Variants in NDUFA11 observed in about 807,000 individuals in gnomAD.
The protein encoded by NDUFA11 is NADH:ubiquinone oxidoreductase subunit A11, also known as NADH dehydrogenase [ubiquinone] 1 alpha subcomplex subunit 11.
Under a neutral mutation model 11.3 loss-of-function variants are expected in NDUFA11, and 14 were observed. The observed-to-expected ratio is 1.24, with a 90% CI of 0.82 to 1.94. The LOEUF (loss-of-function observed/expected upper bound fraction) is 1.94, where lower values mean the gene tolerates loss of function less well. NDUFA11 is among the 30% of genes most tolerant of loss of function. NDUFA11 has a pLI of 0.00. For missense variants in NDUFA11, 204 were observed against 200.3 expected (o/e 1.02, Z -0.11); for synonymous variants, 87 against 85.6 (o/e 1.02, Z -0.09).
At chr19:5,893,074 C>T (rs1346279951), downstream of NDUFA11, 1 of 1,535,996 alleles carries the variant, frequency 6.5e-7, no homozygotes, top group African/African-American at 1.4e-5. This position sits in a 1 kb window ranked among gnomAD's most constrained non-coding sequence, Gnocchi z 4.1. Flanking sequence ...TGGACGTGAC[C>T]CTGAGCTGTT....
chr19:5,902,156 T>C (rs1303488767), intron 1 of NDUFA11, among the ~76,000 whole-genome samples: 1 of 151,580 alleles, frequency 6.6e-6, no homozygotes, highest in Non-Finnish European at 1.5e-5. Context: ...TTTGTATTTT[T>C]AGTAGAGACG....
At chr19:5,899,141 G>A (rs1320514977) in intron 1 of NDUFA11, among the ~76,000 whole-genome samples, 1 of 150,358 alleles carries the variant, frequency 6.7e-6, no homozygotes, top group African/African-American at 2.4e-5. Context: ...TGGAGTCTAT[G>A]AAGATTCTTT....
At chr19:5,893,060 G>C, downstream of NDUFA11, 4 of 1,536,044 alleles carry the variant, frequency 2.6e-6, no homozygotes, top group Non-Finnish European at 3.5e-6. The surrounding 1 kb of genome is among the most constrained non-coding windows in gnomAD (Gnocchi z 4.1). Context: ...CCCAGCTCCG[G>C]AAGTGGACGT....
At chr19:5,901,296 C>T (rs1163469593) in intron 1 of NDUFA11, 5 of 1,265,188 alleles carry the variant, frequency 4.0e-6, no homozygotes, top group Non-Finnish European at 5.1e-6. Context: ...CCTGGGTGGC[C>T]CCCTTCAGCC....
downstream of NDUFA11, chr19:5,891,575 C>T (rs116929938): frequency 5.6e-3 from 852 of 152,330 alleles, 7 homozygotes; most frequent in South Asian, 0.039. Context: ...TTCTTGGAGC[C>T]TTGTCTCTGC....
Position 5,896,896 on chromosome 19 carries a change from C to A in NDUFA11, c.190+9G>T, listed in dbSNP as rs771753574. ...GAGGGCCCAGCCATGCCCAGCCCAGCGTGCTCACCTGCAGTGAACGTGTAT... is the reference window on the plus strand; with the variant it reads ...GAGGGCCCAGCCATGCCCAGCCCAGAGTGCTCACCTGCAGTGAACGTGTAT... On this transcript the variant is annotated intron_variant, in intron 2 of 3. Coordinates refer to ENST00000308961, the MANE Select transcript of NDUFA11 (RefSeq NM_175614.5). This position sits in a 1 kb window ranked among gnomAD's most constrained non-coding sequence, Gnocchi z 5.8. 6.2e-7 allele frequency: 1 copy of A among 1,610,570 alleles called. No individual in the cohort carries two copies. The highest frequency in any genetic ancestry group is 8.5e-7 in the Non-Finnish European group (1 of 1,176,942).
chr19:5,897,254 C>T (rs1304749001), intron 1 of NDUFA11, among the ~76,000 whole-genome samples: 1 of 152,234 alleles, frequency 6.6e-6, no homozygotes, highest in African/African-American at 2.4e-5. Context: ...CCAGTACTGG[C>T]TCCTGCAGAG....
chr19:5,903,015 A>G (rs2057655629), intron 1 of NDUFA11, among the ~76,000 whole-genome samples: 1 of 150,052 alleles, frequency 6.7e-6, no homozygotes, highest in African/African-American at 2.4e-5. Flanking sequence ...TGTCTCAAAA[A>G]AAAAAAAAAA....
At chr19:5,901,479 C>T (rs2057645012) in intron 1 of NDUFA11, 2 of 1,283,452 alleles carry the variant, frequency 1.6e-6, no homozygotes, top group African/African-American at 1.5e-5. Flanking sequence ...GACACAATAA[C>T]GTCTGTCTTA....
Position 5,896,793 on chromosome 19 carries a change from C to G in NDUFA11, c.190+112G>C. ...CACCCCACTTTCTCCGGATGGCCAG[C>G]ACTGTGGACACGGGCTGGGGAGTCA... On this transcript the variant is annotated intron_variant, in intron 2 of 3. Coordinates refer to ENST00000308961, the MANE Select transcript of NDUFA11 (RefSeq NM_175614.5). This position sits in a 1 kb window ranked among gnomAD's most constrained non-coding sequence, Gnocchi z 5.8. 8.4e-7 allele frequency: 1 copy of G among 1,190,492 alleles called. No homozygotes were observed. The highest frequency in any genetic ancestry group is 1.3e-6 in the Non-Finnish European group (1 of 799,356). The allele number at this position is 1,190,492 out of a possible 1,614,324, so 73.7% of individuals were successfully genotyped here. A position where few individuals can be genotyped will look rare whatever the true frequency, so the allele number is the denominator to read the frequency against.
At chr19:5,895,026 C>A (rs985004129) in intron 3 of NDUFA11, 172 bp from the exon 4 acceptor site, 1 of 767,862 alleles carries the variant, frequency 1.3e-6, no homozygotes, top group African/African-American at 1.8e-5. Flanking sequence ...GATGTGGAAA[C>A]TGATGCACAG....
At chr19:5,894,954 C>G (rs577909240) in intron 3 of NDUFA11, 100 bp from the exon 4 acceptor site, 20 of 1,311,800 alleles carry the variant, frequency 1.5e-5, no homozygotes, top group Non-Finnish European at 2.0e-5. Flanking sequence ...CAGACTGAGA[C>G]CCCTGACAGG....
intron 1 of NDUFA11, among the ~76,000 whole-genome samples, chr19:5,899,655 C>T (rs537199178): frequency 2.6e-5 from 4 of 151,280 alleles, no homozygotes; most frequent in East Asian, 1.9e-4. Context: ...TTAGTAGAGA[C>T]GGGGTTTTAC....
chr19:5,898,121 C>T (rs1019640586), intron 1 of NDUFA11, among the ~76,000 whole-genome samples: 3 of 152,212 alleles, frequency 2.0e-5, no homozygotes, highest in Admixed American at 2.0e-4. Context: ...CCCTCCTTCA[C>T]GGGAGGTGAA....
At chr19:5,892,507 A>T (rs1205153758), downstream of NDUFA11, 1 of 162,150 alleles carries the variant, frequency 6.2e-6, no homozygotes, top group East Asian at 1.8e-4. Context: ...CCTTGGCTGG[A>T]GGTTTGGGGC....
In NDUFA11 at chr19:5,897,043, GC is replaced by G. The variant is rs770974043; in HGVS notation, c.98-47del. On this transcript the variant is annotated intron_variant, in intron 1 of 3. Coordinates refer to ENST00000308961, the MANE Select transcript of NDUFA11 (RefSeq NM_175614.5). ...GCTGTTCAGACCCCACTGCTGCTAA[GC>G]CCTTGCTTGGCCGGGCACCCCACTG... The G allele has an allele frequency of 2.7e-5, 41 of 1,525,144 alleles. No individual in the cohort carries two copies. In the South Asian group the frequency reaches 4.5e-4, roughly 17 times the overall value. The allele number at this position is 1,525,144 out of a possible 1,614,324, so 94.5% of individuals were successfully genotyped here. A position where few individuals can be genotyped will look rare whatever the true frequency, so the allele number is the denominator to read the frequency against.
chr19:5,896,390 C>T lies in NDUFA11; in HGVS notation c.313+63G>A, dbSNP rs1001637498. The T allele has an allele frequency of 3.2e-5, 46 of 1,436,290 alleles. No homozygotes were observed. In the African/African-American group the frequency reaches 7.4e-4, roughly 23 times the overall value. The allele number at this position is 1,436,290 out of a possible 1,614,324, so 89.0% of individuals were successfully genotyped here. Reference sequence around the variant, plus strand: ...TGGAACAGAGAGGGTGGAGGATGAGCAGAGGTCAGGGGTCATTCTGCCAGG... The same window carrying T: ...TGGAACAGAGAGGGTGGAGGATGAGTAGAGGTCAGGGGTCATTCTGCCAGG... On this transcript the variant is annotated intron_variant, in intron 3 of 3. Transcript: ENST00000308961. The surrounding 1 kb of genome is among the most constrained non-coding windows in gnomAD (Gnocchi z 5.8).
rs75039856 is a variant in NDUFA11 at position 5,897,791 on chromosome 19, C to A, written c.98-794G>T. ...GGACGGAGGTTTGATCCCAGCCCAC[C>A]GTCCCTGCTGGGTGCCTAGGGGCGT... On this transcript the variant is annotated intron_variant, in intron 1 of 3. Transcript: ENST00000308961. Among the ~76,000 whole-genome samples, 1,179 of 152,362 alleles carry A rather than the reference C, an allele frequency of 7.7e-3. 10 individuals are homozygous for A. The highest frequency in any genetic ancestry group is 0.04 in the South Asian group (195 of 4,830).
chr19:5,903,605 C>T lies in NDUFA11; in HGVS notation c.97+7G>A. 1 of 1,549,740 alleles carries T rather than the reference C, an allele frequency of 6.5e-7. No individual in the cohort carries two copies. Among genetic ancestry groups the T allele is most frequent in the Non-Finnish European group, 8.7e-7 (1 of 1,146,794 alleles). On this transcript the variant is annotated splice_region_variant and intron_variant, in intron 1 of 3. Transcript: ENST00000308961. The stretch of plus-strand genomic sequence containing the variant: ...CCCTCCACCCTCGGGGCCCGGCCGG[C>T]GCTCACCAGCGACGCTGGCAATACT...
Sources: gnomAD v4.1 joint callset for allele counts (sites outside exome capture counted in the v4.1 genomes callset) on GRCh38, gnomAD v4.1.1 for gene constraint, Gnocchi (gnomAD v3.1) non-coding constraint, MANE v1.5 for transcripts, NCBI Gene and HGNC (gene_info 2026-07-23, HGNC 2026-07-21) for gene names.